RABGAP1L: variants seen among roughly 807,000 people sequenced by gnomAD.
RABGAP1L encodes rab GTPase-activating protein 1-like.
RABGAP1L carries 63 observed loss-of-function variants against 137.7 expected under a neutral mutation model. The observed-to-expected ratio is 0.46, with a 90% CI of 0.37 to 0.56. The LOEUF is 0.56. Ranked by LOEUF, RABGAP1L falls within the 20% of genes least tolerant of loss-of-function variation. The pLI, the probability that RABGAP1L is intolerant of heterozygous loss-of-function variation, is 0.00. For synonymous variants in RABGAP1L, 431 were observed against 433.7 expected (o/e 0.99, Z 0.08); for missense variants, 1,095 against 1,244.0 (o/e 0.88, Z 1.80).
At chr1:174,600,811 G>C (rs935247882) in intron 13 of RABGAP1L, among the ~76,000 whole-genome samples, 1 of 152,124 alleles carries the variant, frequency 6.6e-6, no homozygotes, top group Non-Finnish European at 1.5e-5. Context: ...CAAACTGTCC[G>C]TGGATCTACC....
chr1:174,324,710 C>G (rs976190550), intron 11 of RABGAP1L, among the ~76,000 whole-genome samples: 2 of 152,046 alleles, frequency 1.3e-5, no homozygotes, highest in African/African-American at 4.8e-5. Context: ...AGAGAAAGCC[C>G]TAGCTAAAGG....
At chr1:174,240,511 G>C (rs951344155) in intron 4 of RABGAP1L, among the ~76,000 whole-genome samples, 1 of 152,236 alleles carries the variant, frequency 6.6e-6, no homozygotes, top group Admixed American at 6.5e-5. Context: ...ACCTCCTAAA[G>C]TGTTGGGATT....
At chr1:174,559,845 T>C (rs116243282) in intron 13 of RABGAP1L, among the ~76,000 whole-genome samples, 2,385 of 152,300 alleles carry the variant, frequency 0.016, 41 homozygotes, top group African/African-American at 0.055. Context: ...TCCAAAAAAG[T>C]TCCCTTTTGG....
chr1:174,222,784 G>GA (rs1357403745), intron 3 of RABGAP1L, among the ~76,000 whole-genome samples: 2 of 152,116 alleles, frequency 1.3e-5, no homozygotes, highest in Non-Finnish European at 2.9e-5. Flanking sequence ...GAAAAAAAGT[G>GA]AAAAAATTCT....
chr1:174,865,396 G>A (rs1651029670), intron 19 of RABGAP1L, among the ~76,000 whole-genome samples: 1 of 152,202 alleles, frequency 6.6e-6, no homozygotes, highest in South Asian at 2.1e-4. Context: ...ACATTAAAGA[G>A]AAACTGTGCT....
intron 13 of RABGAP1L, among the ~76,000 whole-genome samples, chr1:174,482,944 T>C (rs1174738977): frequency 6.6e-6 from 1 of 152,192 alleles, no homozygotes; most frequent in African/African-American, 2.4e-5. Flanking sequence ...AGAGAAAATG[T>C]CTTTATTCAT....
chr1:174,315,221 C>G (rs1292190577), intron 11 of RABGAP1L, among the ~76,000 whole-genome samples: 2 of 152,096 alleles, frequency 1.3e-5, no homozygotes, highest in Admixed American at 1.3e-4. Context: ...GAATTGATCC[C>G]TTTATCATTA....
At chr1:174,561,534 A>C (rs1411251472) in intron 13 of RABGAP1L, among the ~76,000 whole-genome samples, 1 of 152,246 alleles carries the variant, frequency 6.6e-6, no homozygotes, top group Admixed American at 6.5e-5. Flanking sequence ...GAACCAAAAA[A>C]GAGCCCACAT....
intron 19 of RABGAP1L, chr1:174,849,889 T>A: frequency 1.7e-6 from 1 of 585,308 alleles, no homozygotes; most frequent in East Asian, 4.7e-5. Context: ...AAAGGCAATC[T>A]GAATTCTTTC....
At chr1:174,753,796 G>C (rs1684520879) in intron 18 of RABGAP1L, among the ~76,000 whole-genome samples, 1 of 152,110 alleles carries the variant, frequency 6.6e-6, no homozygotes, top group Non-Finnish European at 1.5e-5. Context: ...CATAAAGTAA[G>C]TATAAGGAGG....
chr1:174,523,514 ATATGT>A (rs1200059874), intron 13 of RABGAP1L, among the ~76,000 whole-genome samples: 5 of 152,226 alleles, frequency 3.3e-5, no homozygotes, highest in African/African-American at 4.8e-5. Flanking sequence ...TTGATTCATA[ATATGT>A]TATGTATTTA....
At chr1:174,831,984 A>G (rs1419042906) in intron 19 of RABGAP1L, among the ~76,000 whole-genome samples, 3 of 147,848 alleles carry the variant, frequency 2.0e-5, no homozygotes, top group Non-Finnish European at 4.5e-5. Flanking sequence ...AAGATCTAGT[A>G]TTTTGTCTTT....
chr1:174,215,805 C>G (rs536338390), intron 1 of RABGAP1L, among the ~76,000 whole-genome samples: 1 of 152,148 alleles, frequency 6.6e-6, no homozygotes, highest in Non-Finnish European at 1.5e-5. Context: ...ACATGATTCA[C>G]CAATCCCACT....
At chr1:174,880,133 C>G (rs1487353743) in intron 19 of RABGAP1L, among the ~76,000 whole-genome samples, 1 of 151,796 alleles carries the variant, frequency 6.6e-6, no homozygotes, top group Non-Finnish European at 1.5e-5. Context: ...AACATCTGAC[C>G]TGTTGCATGC....
intron 5 of RABGAP1L, among the ~76,000 whole-genome samples, chr1:174,249,392 A>C (rs1672529059): frequency 6.6e-6 from 1 of 152,130 alleles, no homozygotes; most frequent in South Asian, 2.1e-4. Flanking sequence ...ACTTGGCCAA[A>C]ACCTTGTTTG....
intron 18 of RABGAP1L, among the ~76,000 whole-genome samples, chr1:174,792,152 C>G (rs551200831): frequency 6.6e-6 from 1 of 152,326 alleles, no homozygotes; most frequent in South Asian, 2.1e-4. Context: ...TGATGATGAG[C>G]AGTCACTTAT....
At chr1:174,708,393 A>G (rs527794400) in intron 17 of RABGAP1L, among the ~76,000 whole-genome samples, 32 of 152,270 alleles carry the variant, frequency 2.1e-4, no homozygotes, top group African/African-American at 7.2e-4. Flanking sequence ...GCAGCTCCCA[A>G]TGAGACCAAT....
chr1:174,464,787 A>G (rs1404790066), intron 13 of RABGAP1L, among the ~76,000 whole-genome samples: 1 of 151,664 alleles, frequency 6.6e-6, no homozygotes, highest in Non-Finnish European at 1.5e-5. Flanking sequence ...TCTTCCATAG[A>G]AAGATTACCT....
At chr1:174,321,860 A>G (rs1289678803) in intron 11 of RABGAP1L, among the ~76,000 whole-genome samples, 1 of 152,114 alleles carries the variant, frequency 6.6e-6, no homozygotes. Flanking sequence ...GTTTTTGTGT[A>G]TCTTTTCATG....
Sources: gnomAD v4.1 joint callset for allele counts (sites outside exome capture counted in the v4.1 genomes callset) on GRCh38, gnomAD v4.1.1 for gene constraint, MANE v1.5 for transcripts, NCBI Gene and HGNC (gene_info 2026-07-23, HGNC 2026-07-21) for gene names.